PLXNC1: variants seen among roughly 807,000 people sequenced by gnomAD.
PLXNC1 encodes the protein plexin C1.
A neutral mutation model predicts 178.2 loss-of-function variants in PLXNC1; 75 were observed. That is an observed-to-expected ratio of 0.42 (90% CI 0.35 to 0.51). PLXNC1 has a LOEUF of 0.51. PLXNC1 is among the 20% of genes least tolerant of loss of function. The probability of loss-of-function intolerance (pLI) is 0.02; values close to 1 mark genes in which losing one functional copy is unlikely to be tolerated. For missense variants in PLXNC1, 1,503 were observed against 1,984.4 expected (o/e 0.76, Z 4.61); for synonymous variants, 790 against 779.9 (o/e 1.01, Z -0.22).
At position 94,225,860 on chromosome 12, in the gene PLXNC1, C is replaced by G. The variant is rs561101385; in HGVS notation, c.1791-745C>G. Reference sequence around the variant, plus strand: ...AAAGCCAGTGTGTCCTCTCCTTCCACGGAAACTGCAGTTTCTGTAGATCAG... The same window carrying G: ...AAAGCCAGTGTGTCCTCTCCTTCCAGGGAAACTGCAGTTTCTGTAGATCAG... On this transcript the variant is annotated intron_variant, in intron 7 of 30. Transcript: ENST00000258526. Among the ~76,000 whole-genome samples, 35 of 152,312 alleles carry G rather than the reference C, an allele frequency of 2.3e-4. No individual in the cohort carries two copies. In the South Asian group the frequency reaches 7.0e-3, roughly 31 times the overall value.
intron 7 of PLXNC1, 131 bp from the exon 8 acceptor site, chr12:94,226,474 A>C: frequency 1.4e-4 from 86 of 593,268 alleles, no homozygotes; most frequent in Middle Eastern, 2.9e-4. Context: ...CCTCACAGGA[A>C]TGTCTGTCCA....
chr12:94,195,670 GTTGGAAGACC>G (rs1565804339), intron 4 of PLXNC1, among the ~76,000 whole-genome samples: 1 of 152,178 alleles, frequency 6.6e-6, no homozygotes, highest in Admixed American at 6.5e-5. Context: ...CATGTTGACA[GTTGGAAGACC>G]TTCAAGCAGC....
intron 2 of PLXNC1, among the ~76,000 whole-genome samples, chr12:94,176,786 G>A (rs1314650422): frequency 6.6e-6 from 1 of 151,628 alleles, no homozygotes; most frequent in Non-Finnish European, 1.5e-5. Context: ...CCCTTTTGTT[G>A]AAACATAAAA....
At chr12:94,255,118 G>A in intron 16 of PLXNC1, 75 bp from the exon 17 acceptor site, 1 of 1,192,730 alleles carries the variant, frequency 8.4e-7, no homozygotes. Context: ...CATACTCTGT[G>A]TTAGACAAAA....
Position 94,282,406 on chromosome 12 carries a change from G to A in PLXNC1, c.3879+5G>A, listed in dbSNP as rs373878267. 3.0e-5 allele frequency: 47 copies of A among 1,582,194 alleles called. No individual in the cohort carries two copies. The highest frequency in any genetic ancestry group is 4.0e-5 in the Non-Finnish European group (46 of 1,151,446). ...AACACCATTGGCCACTATGAGGTAA[G>A]AGCAAGACTTGACCCCGTGTCTCCT... On this transcript the variant is annotated splice_donor_5th_base_variant and intron_variant, in intron 23 of 30. Coordinates refer to ENST00000258526, the MANE Select transcript of PLXNC1 (RefSeq NM_005761.3).
rs770791274 is a variant in PLXNC1, at chr12:94,181,586, T to C, written c.1338+6T>C. On this transcript the variant is annotated splice_donor_region_variant and intron_variant, in intron 3 of 30. Transcript: ENST00000258526. ...ATCTAACAGCTGGGAAAGAGGTAGG[T>C]AGAAATACTAGTTATTGCTTCTGAT... 3.8e-6 allele frequency: 6 copies of C among 1,594,284 alleles called. No individual in the cohort carries two copies. In the South Asian group the frequency reaches 4.5e-5, roughly 12 times the overall value.
At chr12:94,250,799 G>T (rs150955488) in intron 14 of PLXNC1, among the ~76,000 whole-genome samples, 10 of 151,776 alleles carry the variant, frequency 6.6e-5, no homozygotes, top group Non-Finnish European at 2.9e-5. Flanking sequence ...TGGGAGGATC[G>T]CTTGAGTTCA....
At chr12:94,171,862 A>G (rs1565791670) in intron 2 of PLXNC1, among the ~76,000 whole-genome samples, 1 of 152,094 alleles carries the variant, frequency 6.6e-6, no homozygotes, top group Non-Finnish European at 1.5e-5. Context: ...AAGTTCTCTC[A>G]CTCAGGAGAA....
intron 22 of PLXNC1, 154 bp downstream of exon 22, chr12:94,279,803 AGAGACTGCTTTG>A (rs1489685054): frequency 1.3e-6 from 1 of 744,298 alleles, no homozygotes; most frequent in South Asian, 1.5e-5. Flanking sequence ...CTAGGGGCCA[AGAGACTGCTTTG>A]GTCTCTCATG....
chr12:94,177,631 A>G (rs1050825399), intron 2 of PLXNC1, among the ~76,000 whole-genome samples: 2 of 151,864 alleles, frequency 1.3e-5, no homozygotes, highest in African/African-American at 4.8e-5. Context: ...AGGAAAGGAA[A>G]AGCTTCCTTG....
At chr12:94,246,435 T>G (rs1964532098) in intron 12 of PLXNC1, among the ~76,000 whole-genome samples, 1 of 151,996 alleles carries the variant, frequency 6.6e-6, no homozygotes, top group African/African-American at 2.4e-5. Context: ...GGGGGTGACA[T>G]CATGGGAGTG....
chr12:94,183,833 A>G (rs1264008077), intron 3 of PLXNC1, among the ~76,000 whole-genome samples: 1 of 152,200 alleles, frequency 6.6e-6, no homozygotes, highest in Non-Finnish European at 1.5e-5. Flanking sequence ...ACTGGGCATC[A>G]AAGCTGGTTA....
Position 94,295,658 on chromosome 12 carries a change from A to G in PLXNC1, c.3934+1118A>G, listed in dbSNP as rs981731827. 2.0e-5 allele frequency among the ~76,000 whole-genome samples: 3 copies of G among 152,144 alleles called. No individual in the cohort carries two copies. The South Asian group carries it at 6.2e-4, about 32-fold the overall frequency. ...CCCTCTGTCAAAATCCCAACGCTGG[A>G]TGAACCCAACGATTATCCTTTCCTG... On this transcript the variant is annotated intron_variant, in intron 24 of 30. Coordinates refer to ENST00000258526, the MANE Select transcript of PLXNC1 (RefSeq NM_005761.3).
At chr12:94,237,845 C>A in intron 10 of PLXNC1, 42 bp downstream of exon 10, 1 of 1,596,884 alleles carries the variant, frequency 6.3e-7, no homozygotes, top group Non-Finnish European at 8.5e-7. Context: ...TAACGTAACG[C>A]TCAAACCTGT....
At chr12:94,262,790 G>A (rs907470602) in intron 20 of PLXNC1, 5 of 984,350 alleles carry the variant, frequency 5.1e-6, no homozygotes, top group Admixed American at 1.2e-4. Context: ...AGACACCAAG[G>A]ATTTGTGGGT....
intron 24 of PLXNC1, among the ~76,000 whole-genome samples, chr12:94,296,553 C>A (rs574410035): frequency 6.6e-6 from 1 of 152,284 alleles, no homozygotes; most frequent in Admixed American, 6.5e-5. Context: ...CCTCACTCTG[C>A]GCTACTCTTG....
At chr12:94,284,422 A>G (rs1966692023) in intron 23 of PLXNC1, among the ~76,000 whole-genome samples, 1 of 152,196 alleles carries the variant, frequency 6.6e-6, no homozygotes, top group Non-Finnish European at 1.5e-5. Context: ...TGGTTAGGTC[A>G]GATCTCTTCA....
intron 21 of PLXNC1, among the ~76,000 whole-genome samples, chr12:94,276,025 T>C (rs868078642): frequency 1.6e-4 from 25 of 152,340 alleles, no homozygotes; most frequent in African/African-American, 5.1e-4. Flanking sequence ...GTGGAGGCAG[T>C]GGCAGATTTA....
At chr12:94,197,808 G>A (rs537584790) in intron 4 of PLXNC1, among the ~76,000 whole-genome samples, 112 of 152,258 alleles carry the variant, frequency 7.4e-4, no homozygotes, top group African/African-American at 2.6e-3. Flanking sequence ...CACAGGCAAG[G>A]GACATTATCC....
Sources: allele counts gnomAD v4.1 joint callset (sites outside exome capture counted in the v4.1 genomes callset), GRCh38; gene constraint gnomAD v4.1.1; transcripts MANE v1.5; gene names NCBI Gene and HGNC (gene_info 2026-07-23, HGNC 2026-07-21).